Variants in SNTG1 observed in about 807,000 individuals in gnomAD.
SNTG1 encodes syntrophin gamma 1.
In SNTG1, 39 loss-of-function variants were observed where a neutral mutation model predicts 74.7. That is an observed-to-expected ratio of 0.52 (90% CI 0.40 to 0.68). The LOEUF (loss-of-function observed/expected upper bound fraction) is 0.68. Ranked by LOEUF, SNTG1 falls within the 30% of genes least tolerant of loss-of-function variation. SNTG1 has a pLI of 0.00. For missense variants in SNTG1, 685 were observed against 609.5 expected (o/e 1.12, Z -1.30); for synonymous variants, 254 against 217.1 (o/e 1.17, Z -1.49).
intron 1 of SNTG1, among the ~76,000 whole-genome samples, chr8:49,992,478 A>C (rs1043135862): frequency 1.3e-5 from 2 of 152,182 alleles, no homozygotes; most frequent in African/African-American, 2.4e-5. Context: ...CTTGATTTGA[A>C]GCAAGTTAAC....
At chr8:50,103,399 T>C (rs1326126143) in intron 1 of SNTG1, among the ~76,000 whole-genome samples, 22 of 152,162 alleles carry the variant, frequency 1.4e-4, no homozygotes, top group Non-Finnish European at 1.9e-4. Context: ...GTGATTTTTG[T>C]ACATTGATTT....
chr8:50,570,310 T>G (rs10103320), intron 12 of SNTG1, among the ~76,000 whole-genome samples: 121,515 of 141,808 alleles, frequency 0.86, 52,289 homozygotes, highest in East Asian at 0.93. Flanking sequence ...CCAGGCTGGA[T>G]TACAGTGGTG....
chr8:50,514,172 T>A (rs564546692), intron 9 of SNTG1, among the ~76,000 whole-genome samples: 1 of 152,322 alleles, frequency 6.6e-6, no homozygotes, highest in Non-Finnish European at 1.5e-5. Context: ...TTTGCTTAGT[T>A]GATTTTCTAT....
At chr8:50,132,112 T>C (rs1277939539) in intron 1 of SNTG1, among the ~76,000 whole-genome samples, 1 of 152,178 alleles carries the variant, frequency 6.6e-6, no homozygotes, top group African/African-American at 2.4e-5. Flanking sequence ...CAAAATGTGA[T>C]GCCTCTAGCT....
intron 1 of SNTG1, among the ~76,000 whole-genome samples, chr8:50,104,736 G>A (rs1224440712): frequency 6.6e-6 from 1 of 152,182 alleles, no homozygotes; most frequent in African/African-American, 2.4e-5. Context: ...TGCTTTGAAT[G>A]TGTCCCACAG....
intron 2 of SNTG1, among the ~76,000 whole-genome samples, chr8:50,297,121 G>A (rs767320488): frequency 1.3e-5 from 2 of 152,158 alleles, no homozygotes; most frequent in South Asian, 2.1e-4. Context: ...ATTATTTTTC[G>A]AATGGGAAAC....
intron 1 of SNTG1, among the ~76,000 whole-genome samples, chr8:50,017,721 C>T (rs914030073): frequency 2.6e-5 from 4 of 151,762 alleles, no homozygotes; most frequent in African/African-American, 9.7e-5. Flanking sequence ...TGATTATAAA[C>T]ATATATGCAC....
chr8:50,649,638 T>C (rs1405547801), intron 13 of SNTG1, among the ~76,000 whole-genome samples: 1 of 152,220 alleles, frequency 6.6e-6, no homozygotes, highest in African/African-American at 2.4e-5. Flanking sequence ...CAACAGTGGT[T>C]TTAAATTGCA....
At chr8:50,509,470 G>A (rs1206531196) in intron 9 of SNTG1, among the ~76,000 whole-genome samples, 1 of 152,152 alleles carries the variant, frequency 6.6e-6, no homozygotes, top group Non-Finnish European at 1.5e-5. Flanking sequence ...TCGGTAGCTT[G>A]ATGGGGATGG....
intron 1 of SNTG1, among the ~76,000 whole-genome samples, chr8:50,152,024 A>G (rs1240738286): frequency 6.6e-6 from 1 of 152,106 alleles, no homozygotes; most frequent in African/African-American, 2.4e-5. Context: ...AAAGTCTCCC[A>G]TTATTATTGT....
chr8:50,101,265 A>G (rs2080114295), intron 1 of SNTG1, among the ~76,000 whole-genome samples: 1 of 152,106 alleles, frequency 6.6e-6, no homozygotes, highest in Admixed American at 6.6e-5. Flanking sequence ...TTTTTATGGT[A>G]GAAAATTAAT....
intron 17 of SNTG1, among the ~76,000 whole-genome samples, chr8:50,746,194 T>A (rs1027298750): frequency 2.6e-5 from 4 of 151,972 alleles, no homozygotes; most frequent in African/African-American, 9.7e-5. Flanking sequence ...TACAAATGTT[T>A]TAGTAATAAA....
intron 2 of SNTG1, among the ~76,000 whole-genome samples, chr8:50,359,909 C>T (rs537029628): frequency 1.4e-4 from 22 of 151,804 alleles, no homozygotes; most frequent in African/African-American, 5.3e-4. Flanking sequence ...TTTCTTTTTT[C>T]CACATGAGTG....
In SNTG1 at chr8:50,600,830, T is replaced by C. The variant is rs535635949; in HGVS notation, c.849+9913T>C. 1.5e-3 allele frequency among the ~76,000 whole-genome samples: 231 copies of C among 151,890 alleles called. 1 individual carries two copies. The highest frequency in any genetic ancestry group is 5.3e-3 in the African/African-American group (221 of 41,430). On this transcript the variant is annotated intron_variant, in intron 13 of 18. Coordinates refer to ENST00000642720, the MANE Select transcript of SNTG1 (RefSeq NM_018967.5). The stretch of plus-strand genomic sequence containing the variant: ...TCTTTATTCTATTTTTTTTTCCTTC[T>C]ACTAATATTGGGTTTGGTTTGCTGT...
intron 1 of SNTG1, among the ~76,000 whole-genome samples, chr8:49,984,347 A>G (rs528442563): frequency 3.3e-5 from 5 of 152,024 alleles, no homozygotes; most frequent in Non-Finnish European, 7.4e-5. Context: ...CTGGGATTAC[A>G]GGCATGTGTT....
At chr8:49,984,405 A>G (rs1211580399) in intron 1 of SNTG1, among the ~76,000 whole-genome samples, 1 of 151,972 alleles carries the variant, frequency 6.6e-6, no homozygotes, top group Non-Finnish European at 1.5e-5. Context: ...GGGTTTCACC[A>G]TGTTGCCCAG....
At chr8:50,066,564 G>A (rs552044330) in intron 1 of SNTG1, among the ~76,000 whole-genome samples, 67 of 152,114 alleles carry the variant, frequency 4.4e-4, no homozygotes, top group South Asian at 1.0e-3. Flanking sequence ...ATTTTTGTGC[G>A]TTTGTATATC....
At chr8:50,219,085 C>A (rs571208515) in intron 2 of SNTG1, among the ~76,000 whole-genome samples, 56 of 152,168 alleles carry the variant, frequency 3.7e-4, no homozygotes, top group South Asian at 1.0e-3. Context: ...AGAAAGTAAC[C>A]AAAGAATGAG....
chr8:50,105,657 T>C (rs2080342960), intron 1 of SNTG1, among the ~76,000 whole-genome samples: 1 of 152,148 alleles, frequency 6.6e-6, no homozygotes, highest in Non-Finnish European at 1.5e-5. Context: ...CAATTCTTCC[T>C]ATTCATGAGC....
Sources: gnomAD v4.1 joint callset for allele counts (sites outside exome capture counted in the v4.1 genomes callset) on GRCh38, gnomAD v4.1.1 for gene constraint, MANE v1.5 for transcripts, NCBI Gene and HGNC (gene_info 2026-07-23, HGNC 2026-07-21) for gene names.